Variants in PARD3 observed in about 807,000 individuals in gnomAD.
The protein encoded by PARD3 is partitioning defective 3 homolog.
Under a neutral mutation model 155.4 loss-of-function variants are expected in PARD3, and 75 were observed. The ratio of observed to expected loss-of-function variants is 0.48; its 90% CI spans 0.40 to 0.58. PARD3 has a LOEUF of 0.58. Among genes scored for constraint, PARD3 ranks in the 20% least tolerant of loss-of-function variants. The pLI is 0.00. For synonymous variants in PARD3, 576 were observed against 610.5 expected (o/e 0.94, Z 0.83); for missense variants, 1,642 against 1,721.7 (o/e 0.95, Z 0.82).
intron 22 of PARD3, among the ~76,000 whole-genome samples, chr10:34,136,941 T>G (rs1947931292): frequency 6.6e-6 from 1 of 152,180 alleles, no homozygotes; most frequent in Non-Finnish European, 1.5e-5. Flanking sequence ...ATTCAACATG[T>G]ACATATCTTG....
chr10:34,207,871 TAAG>T (rs1481099272), intron 22 of PARD3, among the ~76,000 whole-genome samples: 1 of 152,214 alleles, frequency 6.6e-6, no homozygotes, highest in Non-Finnish European at 1.5e-5. Flanking sequence ...TGACTGATTT[TAAG>T]AAGAATGCCT....
chr10:34,241,528 A>G (rs1953596031), intron 22 of PARD3, among the ~76,000 whole-genome samples: 1 of 152,180 alleles, frequency 6.6e-6, no homozygotes, highest in African/African-American at 2.4e-5. Context: ...AAAACACAGA[A>G]CAGAGGAATG....
intron 1 of PARD3, among the ~76,000 whole-genome samples, chr10:34,802,385 T>C (rs1485485627): frequency 6.6e-6 from 1 of 152,214 alleles, no homozygotes; most frequent in African/African-American, 2.4e-5. Flanking sequence ...ATTAAAATTT[T>C]GCCTAATCTA....
At chr10:34,467,937 C>T (rs899416626) in intron 4 of PARD3, among the ~76,000 whole-genome samples, 14 of 152,114 alleles carry the variant, frequency 9.2e-5, no homozygotes, top group Non-Finnish European at 1.3e-4. Context: ...TCCACCTACT[C>T]AGATTCAGTA....
chr10:34,716,991 G>A (rs1194419541), intron 1 of PARD3, among the ~76,000 whole-genome samples: 1 of 152,012 alleles, frequency 6.6e-6, no homozygotes, highest in Non-Finnish European at 1.5e-5. Context: ...ATCAGATATT[G>A]TTAGTGTATT....
Position 34,815,060 on chromosome 10 carries a change from A to T in PARD3, c.-65T>A. On this transcript the variant is annotated 5_prime_UTR_variant, in exon 1 of 25. Coordinates refer to ENST00000374788, the MANE Select transcript of PARD3 (RefSeq NM_001184785.2). ...CGCAGCCGGAGCAGCCGAGGCCGGG[A>T]CCGAGGACGCTGGGCGCGGAGGAGC... The T allele has an allele frequency of 1.7e-6, 2 of 1,148,318 alleles. No homozygotes were observed. The highest frequency in any genetic ancestry group is 4.7e-5 in the Admixed American group (1 of 21,240). 71.1% of individuals were successfully genotyped at this position (1,148,318 alleles called of 1,614,324 possible).
chr10:34,556,518 G>T (rs1306191141), intron 2 of PARD3, among the ~76,000 whole-genome samples: 5 of 151,956 alleles, frequency 3.3e-5, no homozygotes, highest in Non-Finnish European at 7.4e-5. Context: ...GAGTAGCTGG[G>T]AATACAGGCA....
At chr10:34,728,059 T>C (rs1474089778) in intron 1 of PARD3, among the ~76,000 whole-genome samples, 3 of 152,214 alleles carry the variant, frequency 2.0e-5, no homozygotes, top group African/African-American at 7.2e-5. Flanking sequence ...AGTAGGTATA[T>C]TAAGTCTAAT....
intron 20 of PARD3, among the ~76,000 whole-genome samples, chr10:34,287,707 CTCAG>C (rs1956467121): frequency 6.6e-6 from 1 of 152,232 alleles, no homozygotes; most frequent in South Asian, 2.1e-4. Flanking sequence ...TATATATGAA[CTCAG>C]TCAATCAACC....
intron 2 of PARD3, among the ~76,000 whole-genome samples, chr10:34,538,722 T>A (rs1485215574): frequency 6.6e-6 from 1 of 151,810 alleles, no homozygotes; most frequent in Non-Finnish European, 1.5e-5. Context: ...ACAGGAAGAG[T>A]CACCGGGACA....
At chr10:34,368,480 G>A (rs1483383522) in intron 12 of PARD3, among the ~76,000 whole-genome samples, 2 of 151,974 alleles carry the variant, frequency 1.3e-5, no homozygotes, top group Non-Finnish European at 2.9e-5. Flanking sequence ...AGACCATCCT[G>A]GCTAACACGG....
At chr10:34,363,660 C>A (rs892441523) in intron 12 of PARD3, among the ~76,000 whole-genome samples, 25 of 152,180 alleles carry the variant, frequency 1.6e-4, no homozygotes, top group African/African-American at 5.1e-4. Flanking sequence ...GCTATTCCAT[C>A]CAAATTCTGC....
At chr10:34,424,704 G>C (rs1020078281) in intron 5 of PARD3, among the ~76,000 whole-genome samples, 4 of 151,854 alleles carry the variant, frequency 2.6e-5, no homozygotes, top group Non-Finnish European at 4.4e-5. Context: ...TAGTAGAGAC[G>C]GGGTTTCGTC....
chr10:34,688,840 T>C (rs2133406570), intron 2 of PARD3, among the ~76,000 whole-genome samples: 1 of 152,314 alleles, frequency 6.6e-6, no homozygotes, highest in South Asian at 2.1e-4. Context: ...AAATACTGCC[T>C]CTTCCCCTCC....
intron 3 of PARD3, among the ~76,000 whole-genome samples, chr10:34,514,869 C>G (rs1387992575): frequency 1.3e-5 from 2 of 152,038 alleles, no homozygotes; most frequent in African/African-American, 4.8e-5. Context: ...AGAAATTAAC[C>G]TTTCTTCTAA....
At chr10:34,439,354 G>T (rs2076346463) in intron 5 of PARD3, among the ~76,000 whole-genome samples, 1 of 151,152 alleles carries the variant, frequency 6.6e-6, no homozygotes, top group African/African-American at 2.4e-5. Context: ...TATCAAGACT[G>T]CAATTCCATC....
At chr10:34,497,232 TG>T (rs2080354093) in intron 3 of PARD3, among the ~76,000 whole-genome samples, 1 of 151,772 alleles carries the variant, frequency 6.6e-6, no homozygotes, top group African/African-American at 2.4e-5. Context: ...TGAAAATACT[TG>T]AAAAAGAAAA....
chr10:34,187,746 G>A (rs1392801464), intron 22 of PARD3, among the ~76,000 whole-genome samples: 1 of 152,184 alleles, frequency 6.6e-6, no homozygotes, highest in East Asian at 1.9e-4. Flanking sequence ...CCAACTGAAT[G>A]GAGATCAGTA....
chr10:34,515,552 C>T (rs1307200668), intron 3 of PARD3, among the ~76,000 whole-genome samples: 17 of 152,204 alleles, frequency 1.1e-4, no homozygotes, highest in Admixed American at 1.1e-3. Context: ...ACTACACCTT[C>T]TAAATTCTCT....
Sources: gnomAD v4.1 joint callset for allele counts (sites outside exome capture counted in the v4.1 genomes callset) on GRCh38, gnomAD v4.1.1 for gene constraint, MANE v1.5 for transcripts, NCBI Gene and HGNC (gene_info 2026-07-23, HGNC 2026-07-21) for gene names.